The following CCDC7 variants were observed in gnomAD, a reference collection of about 807,000 sequenced individuals.
CCDC7 encodes the protein coiled-coil domain-containing protein 7.
CCDC7 carries 183 observed loss-of-function variants against 196.9 expected under a neutral mutation model. The observed-to-expected ratio is 0.93, with a 90% CI of 0.82 to 1.05. The LOEUF (loss-of-function observed/expected upper bound fraction) is 1.05. Among genes scored for constraint, CCDC7 ranks in the 50% least tolerant of loss-of-function variants. CCDC7 has a pLI of 0.00. For missense variants in CCDC7, 1,540 were observed against 1,482.2 expected, an observed-to-expected ratio of 1.04 and a Z score of -0.64; for synonymous variants, 525 against 484.6, an observed-to-expected ratio of 1.08 and a Z score of -1.10.
At chr10:32,683,059 T>C (rs930920483) in intron 21 of CCDC7, among the ~76,000 whole-genome samples, 1 of 152,184 alleles carries the variant, frequency 6.6e-6, no homozygotes, top group Non-Finnish European at 1.5e-5. Context: ...TTTCTCATGA[T>C]ATCTTTGCCA....
intron 9 of CCDC7, chr10:32,499,150 CA>C (rs2043440585): frequency 7.4e-6 from 1 of 134,506 alleles, no homozygotes; most frequent in African/African-American, 2.8e-5. Context: ...AAAATGAAGA[CA>C]AAAGAAACAT....
chr10:32,541,020 T>C (rs2051321769), intron 11 of CCDC7, among the ~76,000 whole-genome samples: 1 of 151,830 alleles, frequency 6.6e-6, no homozygotes, highest in Non-Finnish European at 1.5e-5. Context: ...AGTCATAGAT[T>C]TGACCTCTAC....
intron 24 of CCDC7, among the ~76,000 whole-genome samples, chr10:32,700,729 A>T (rs990133556): frequency 8.6e-5 from 13 of 151,998 alleles, no homozygotes; most frequent in Non-Finnish European, 1.9e-4. Flanking sequence ...CTTTTATTTC[A>T]TTGAGCAGTG....
chr10:32,880,023 T>C (rs2094731625), downstream of CCDC7, among the ~76,000 whole-genome samples: 1 of 152,190 alleles, frequency 6.6e-6, no homozygotes. Context: ...CATTTGCATA[T>C]ATATTTATAA....
At chr10:32,488,924 G>A (rs1217705912) in intron 8 of CCDC7, among the ~76,000 whole-genome samples, 1 of 152,210 alleles carries the variant, frequency 6.6e-6, no homozygotes, top group Non-Finnish European at 1.5e-5. Context: ...GTGAGGTTGT[G>A]GCAGTTTAGT....
intron 32 of CCDC7, among the ~76,000 whole-genome samples, chr10:32,829,210 A>G (rs2091833472): frequency 2.0e-5 from 3 of 152,234 alleles, no homozygotes; most frequent in Non-Finnish European, 4.4e-5. Flanking sequence ...CAATCCAGGC[A>G]GGACTACAAA....
At chr10:32,678,998 A>T (rs2075447328) in intron 21 of CCDC7, among the ~76,000 whole-genome samples, 1 of 152,050 alleles carries the variant, frequency 6.6e-6, no homozygotes, top group Admixed American at 6.6e-5. Flanking sequence ...ATTTTAATTT[A>T]TTTTAAGTTC....
At chr10:32,623,516 T>G (rs1423952672) in intron 18 of CCDC7, among the ~76,000 whole-genome samples, 1 of 152,330 alleles carries the variant, frequency 6.6e-6, no homozygotes, top group Admixed American at 6.5e-5. Flanking sequence ...ACAAATACTT[T>G]GTTTTTAACA....
chr10:32,618,516 G>T (rs1033508345), intron 18 of CCDC7, among the ~76,000 whole-genome samples: 11 of 151,912 alleles, frequency 7.2e-5, no homozygotes, highest in Non-Finnish European at 8.8e-5. Context: ...CTAAGTATTT[G>T]CTTATCTGAG....
At chr10:32,630,521 A>G (rs1021475082) in intron 18 of CCDC7, among the ~76,000 whole-genome samples, 1 of 152,020 alleles carries the variant, frequency 6.6e-6, no homozygotes, top group African/African-American at 2.4e-5. Context: ...TTAGATAGAT[A>G]AAGCAAATAT....
intron 5 of CCDC7, among the ~76,000 whole-genome samples, chr10:32,465,562 C>A (rs187414636): frequency 1.3e-5 from 2 of 151,756 alleles, no homozygotes; most frequent in Non-Finnish European, 2.9e-5. Context: ...ACCTCTTTGG[C>A]TGTCTTCTTT....
At chr10:32,680,453 T>C (rs939562385) in intron 21 of CCDC7, among the ~76,000 whole-genome samples, 3 of 151,980 alleles carry the variant, frequency 2.0e-5, no homozygotes, top group African/African-American at 4.8e-5. Context: ...TATTATACTT[T>C]AAGTTCTAGA....
intron 41 of CCDC7, among the ~76,000 whole-genome samples, chr10:32,866,465 T>C (rs2094202448): frequency 6.6e-6 from 1 of 151,548 alleles, no homozygotes; most frequent in South Asian, 2.1e-4. Flanking sequence ...GTGAACAATT[T>C]ATTAAAAAAG....
intron 28 of CCDC7, among the ~76,000 whole-genome samples, chr10:32,759,615 A>C (rs1377300881): frequency 3.9e-5 from 6 of 152,250 alleles, no homozygotes; most frequent in African/African-American, 1.4e-4. Flanking sequence ...AAAGACTTAC[A>C]TGGTAGACCT....
At chr10:32,490,427 C>T (rs2041971654) in intron 8 of CCDC7, among the ~76,000 whole-genome samples, 2 of 152,070 alleles carry the variant, frequency 1.3e-5, no homozygotes, top group African/African-American at 4.8e-5. Context: ...AGTTGATGTT[C>T]CTTGTAGTCC....
At chr10:32,596,287 A>G (rs972651861) in intron 18 of CCDC7, among the ~76,000 whole-genome samples, 5 of 152,174 alleles carry the variant, frequency 3.3e-5, no homozygotes, top group African/African-American at 7.2e-5. Context: ...ACCATTATGT[A>G]ACGGCCTTCT....
chr10:32,759,937 T>C (rs1213623756), intron 28 of CCDC7, among the ~76,000 whole-genome samples: 2 of 151,890 alleles, frequency 1.3e-5, no homozygotes, highest in Non-Finnish European at 2.9e-5. Context: ...GGGCGAAGGA[T>C]ATGAACAGAC....
chr10:32,623,721 A>G, intron 18 of CCDC7: 2 of 469,546 alleles, frequency 4.3e-6, no homozygotes, highest in Non-Finnish European at 8.8e-6. Flanking sequence ...TTCTGTAGGC[A>G]GTACAAGAAA....
chr10:32,704,930 G>C (rs897142884), intron 24 of CCDC7, among the ~76,000 whole-genome samples: 1 of 152,134 alleles, frequency 6.6e-6, no homozygotes, highest in Non-Finnish European at 1.5e-5. Context: ...CCTTGGCTAG[G>C]AAAGGGAATT....
Sources: gnomAD v4.1 joint callset for allele counts (sites outside exome capture counted in the v4.1 genomes callset) on GRCh38, gnomAD v4.1.1 for gene constraint, MANE v1.5 for transcripts, NCBI Gene and HGNC (gene_info 2026-07-23, HGNC 2026-07-21) for gene names.